LSAMP: variants seen among roughly 807,000 people sequenced by gnomAD.
LSAMP encodes the protein limbic system associated membrane protein.
In LSAMP, 7 loss-of-function variants were observed where a neutral mutation model predicts 38.6. The observed-to-expected ratio is 0.18, with a 90% CI of 0.10 to 0.34. LSAMP has a LOEUF of 0.34. Among genes scored for constraint, LSAMP ranks in the 10% least tolerant of loss-of-function variants. The pLI is 1.00. For missense variants in LSAMP, 313 were observed against 420.0 expected, an observed-to-expected ratio of 0.75 and a Z score of 2.23; for synonymous variants, 154 against 166.8, an observed-to-expected ratio of 0.92 and a Z score of 0.59.
intron 3 of LSAMP, among the ~76,000 whole-genome samples, chr3:115,872,142 TTAAAGA>T (rs1428924064): frequency 1.1e-4 from 16 of 152,098 alleles, no homozygotes; most frequent in East Asian, 1.9e-4. Context: ...TGAATTAGTA[TTAAAGA>T]TAAAGATAAA....
chr3:116,039,240 TC>T (rs1941113864), intron 2 of LSAMP, among the ~76,000 whole-genome samples: 1 of 152,352 alleles, frequency 6.6e-6, no homozygotes, highest in African/African-American at 2.4e-5. Context: ...CATTCTGAAT[TC>T]TTTTTATGGA....
chr3:115,968,547 GTGAT>G (rs927578008), intron 3 of LSAMP, among the ~76,000 whole-genome samples: 2 of 152,228 alleles, frequency 1.3e-5, no homozygotes, highest in East Asian at 3.9e-4. Context: ...CTATCCTACT[GTGAT>G]TGAGCTGATA....
intron 1 of LSAMP, among the ~76,000 whole-genome samples, chr3:116,230,701 C>T (rs2046393465): frequency 6.6e-6 from 1 of 152,092 alleles, no homozygotes; most frequent in Non-Finnish European, 1.5e-5. Flanking sequence ...CCAATTGCTG[C>T]CTCAGCTCCT....
intron 1 of LSAMP, among the ~76,000 whole-genome samples, chr3:116,386,012 T>C (rs1032433107): frequency 6.6e-6 from 1 of 152,128 alleles, no homozygotes; most frequent in Non-Finnish European, 1.5e-5. Flanking sequence ...TTATGTATTA[T>C]CTTATTTAAT....
At chr3:116,022,944 T>C (rs1472041610) in intron 2 of LSAMP, among the ~76,000 whole-genome samples, 1 of 152,130 alleles carries the variant, frequency 6.6e-6, no homozygotes, top group Non-Finnish European at 1.5e-5. Context: ...GTTAACAGTA[T>C]CATCAGGCAG....
At chr3:116,349,775 G>A (rs531308314) in intron 1 of LSAMP, among the ~76,000 whole-genome samples, 102 of 152,068 alleles carry the variant, frequency 6.7e-4, no homozygotes, top group African/African-American at 2.2e-3. Context: ...ATGAGGCAAC[G>A]ATGGTTAAGG....
At chr3:115,950,199 C>T (rs1200597812) in intron 3 of LSAMP, among the ~76,000 whole-genome samples, 4 of 152,142 alleles carry the variant, frequency 2.6e-5, no homozygotes, top group African/African-American at 9.7e-5. Flanking sequence ...ACTTTCACCA[C>T]TTCTATTCAA....
intron 1 of LSAMP, among the ~76,000 whole-genome samples, chr3:116,312,258 G>A (rs879175511): frequency 1.3e-5 from 2 of 152,120 alleles, no homozygotes; most frequent in African/African-American, 4.8e-5. Flanking sequence ...TTATATGGAG[G>A]CTGGCTGCAG....
intron 1 of LSAMP, among the ~76,000 whole-genome samples, chr3:116,267,123 T>A (rs2046902250): frequency 6.6e-6 from 1 of 152,164 alleles, no homozygotes; most frequent in African/African-American, 2.4e-5. Flanking sequence ...ACTCCCACTG[T>A]ATACACTGAG....
At chr3:115,897,899 A>C (rs1203804891) in intron 3 of LSAMP, among the ~76,000 whole-genome samples, 1 of 152,110 alleles carries the variant, frequency 6.6e-6, no homozygotes, top group Non-Finnish European at 1.5e-5. Flanking sequence ...GAGAGGAACA[A>C]TGTCAAGAAG....
chr3:116,341,730 G>T (rs1165362287), intron 1 of LSAMP, among the ~76,000 whole-genome samples: 1 of 151,914 alleles, frequency 6.6e-6, no homozygotes, highest in Non-Finnish European at 1.5e-5. Flanking sequence ...CCATTATGTT[G>T]GGGCAGAGCA....
chr3:116,021,068 T>A (rs567833876), intron 2 of LSAMP, among the ~76,000 whole-genome samples: 4 of 152,142 alleles, frequency 2.6e-5, no homozygotes, highest in African/African-American at 7.2e-5. Context: ...GGAAGCAGGA[T>A]GAGGACCCTC....
intron 3 of LSAMP, among the ~76,000 whole-genome samples, chr3:115,991,415 A>G (rs1939663400): frequency 6.6e-6 from 1 of 152,130 alleles, no homozygotes; most frequent in African/African-American, 2.4e-5. Flanking sequence ...ATACAATTAT[A>G]TATTATACAT....
At chr3:116,286,175 A>G (rs1019666320) in intron 1 of LSAMP, among the ~76,000 whole-genome samples, 1 of 152,208 alleles carries the variant, frequency 6.6e-6, no homozygotes, top group African/African-American at 2.4e-5. Flanking sequence ...TTTGCAATGC[A>G]TATGGAATAT....
intron 2 of LSAMP, among the ~76,000 whole-genome samples, chr3:116,069,780 A>G (rs1355257741): frequency 6.6e-6 from 1 of 152,198 alleles, no homozygotes; most frequent in Admixed American, 6.5e-5. Context: ...ATTTATTTTT[A>G]GTATAATAAA....
chr3:115,933,579 CA>C (rs1441300126), intron 3 of LSAMP, among the ~76,000 whole-genome samples: 1 of 152,174 alleles, frequency 6.6e-6, no homozygotes, highest in Non-Finnish European at 1.5e-5. Flanking sequence ...ACATGGCCAG[CA>C]GGCAGAAATA....
chr3:116,239,982 T>G (rs1237587042), intron 1 of LSAMP, among the ~76,000 whole-genome samples: 1 of 152,182 alleles, frequency 6.6e-6, no homozygotes, highest in African/African-American at 2.4e-5. Context: ...TTTCTTCCAT[T>G]TTTAAAAAGT....
In LSAMP at chr3:115,898,758, G is replaced by C. The variant is rs568879807; in HGVS notation, c.515-46141C>G. Among the ~76,000 whole-genome samples, 10 of 152,178 alleles carry C rather than the reference G, an allele frequency of 6.6e-5. No homozygotes were observed. In the East Asian group the frequency reaches 1.9e-3, roughly 29 times the overall value. ...TTCACTTAGCAGAAAGCTCAAAGAT[G>C]GGGGATGGGGAGCATGGTGCTTCCT... is the stretch of plus-strand genomic sequence containing the variant. On this transcript the variant is annotated intron_variant, in intron 3 of 6. Transcript: ENST00000490035.
At chr3:115,893,173 A>G (rs11720150) in intron 3 of LSAMP, among the ~76,000 whole-genome samples, 24,449 of 151,848 alleles carry the variant, frequency 0.16, 2,043 homozygotes, top group Middle Eastern at 0.21. Context: ...GTGAGGGATA[A>G]CATTAGGAGA....
Sources: gnomAD v4.1 joint callset for allele counts (sites outside exome capture counted in the v4.1 genomes callset) on GRCh38, gnomAD v4.1.1 for gene constraint, MANE v1.5 for transcripts, NCBI Gene and HGNC (gene_info 2026-07-23, HGNC 2026-07-21) for gene names.